OSBPL6: variants seen among roughly 807,000 people sequenced by gnomAD.
The protein encoded by OSBPL6 is oxysterol-binding protein-related protein 6.
OSBPL6 carries 49 observed loss-of-function variants against 125.8 expected under a neutral mutation model. The ratio of observed to expected loss-of-function variants is 0.39; its 90% confidence interval spans 0.31 to 0.49. The LOEUF (loss-of-function observed/expected upper bound fraction) is 0.49. OSBPL6 is among the 20% of genes least tolerant of loss of function. The pLI is 0.88. For synonymous variants in OSBPL6, 394 were observed against 391.8 expected (o/e 1.01, Z -0.07); for missense variants, 986 against 1,135.4 (o/e 0.87, Z 1.89).
Position 178,349,241 on chromosome 2 carries a change from C to A in OSBPL6, c.1005C>A (p.Thr335=), listed in dbSNP as rs528020763. ...CCTTTCAGGTTCCTTTCAGTGCTAC[C>A]ATGTCACCAGTTCGCTTGCATTCCT... ...KIQLQVPFSA[T]MSPVRLHSSN... The change falls in exon 12 of 25, where the codon ACC becomes ACA. Residue 335 remains threonine (T), a synonymous_variant. Coordinates refer to ENST00000190611, the MANE Select transcript of OSBPL6 (RefSeq NM_032523.4). 9.2e-5 allele frequency: 149 copies of A among 1,614,084 alleles called. 4 individuals are homozygous for A. In the South Asian group the frequency reaches 1.1e-3, roughly 12 times the overall value.
At chr2:178,294,998 T>C (rs1474464378) in intron 2 of OSBPL6, among the ~76,000 whole-genome samples, 1 of 152,046 alleles carries the variant, frequency 6.6e-6, no homozygotes, top group African/African-American at 2.4e-5. Context: ...ATCCTTCAGG[T>C]GGATCTTAGC....
At position 178,398,575 on chromosome 2, in the gene OSBPL6, G is replaced by A. The variant is rs919285533; in HGVS notation, c.*3016G>A. The A allele has an allele frequency of 6.6e-6, 1 of 151,978 alleles. No homozygotes were observed. Among genetic ancestry groups the A allele is most frequent in the African/African-American group, 2.4e-5 (1 of 41,374 alleles). 9.4% of individuals were successfully genotyped at this position (151,978 alleles called of 1,614,324 possible). On this transcript the variant is annotated 3_prime_UTR_variant, in exon 25 of 25. Transcript: ENST00000190611. Reference sequence around the variant, plus strand: ...TTAAATTAAGCCATTGTTTTTCATGGATTATTTTTAAAATACCTACCCCAT... The same window carrying A: ...TTAAATTAAGCCATTGTTTTTCATGAATTATTTTTAAAATACCTACCCCAT...
At chr2:178,395,414 T>G in intron 24 of OSBPL6, 37 bp from the exon 25 acceptor site, 1 of 1,468,136 alleles carries the variant, frequency 6.8e-7, no homozygotes, top group Non-Finnish European at 9.5e-7. Context: ...TACCTTGATG[T>G]GATTCATGAC....
intron 1 of OSBPL6, among the ~76,000 whole-genome samples, chr2:178,212,940 T>C (rs1425693207): frequency 1.3e-5 from 2 of 152,200 alleles, no homozygotes; most frequent in East Asian, 3.9e-4. Context: ...CCCGAGTAGC[T>C]GGGATTACAG....
At chr2:178,387,436 C>T (rs1055539394) in intron 20 of OSBPL6, among the ~76,000 whole-genome samples, 2 of 152,200 alleles carry the variant, frequency 1.3e-5, no homozygotes, top group African/African-American at 4.8e-5. Flanking sequence ...CCTGTTTAGC[C>T]ATTTCTTTGC....
chr2:178,237,962 A>T (rs549689438), intron 1 of OSBPL6, among the ~76,000 whole-genome samples: 5 of 152,328 alleles, frequency 3.3e-5, no homozygotes, highest in Non-Finnish European at 5.9e-5. Flanking sequence ...GACAATACTC[A>T]TTACTGGAAA....
intron 1 of OSBPL6, among the ~76,000 whole-genome samples, chr2:178,195,283 C>A (rs2088812133): frequency 6.6e-6 from 1 of 152,222 alleles, no homozygotes; most frequent in South Asian, 2.1e-4. Flanking sequence ...TGCAGCCCTC[C>A]CGGCAGCCTC....
At chr2:178,225,022 T>TCC (rs59423535) in intron 1 of OSBPL6, among the ~76,000 whole-genome samples, 55 of 150,522 alleles carry the variant, frequency 3.7e-4, no homozygotes, top group African/African-American at 1.2e-3. Flanking sequence ...TCTCTCTCTC[T>TCC]CTCTGAGTGT....
At chr2:178,377,184 G>T (rs912753072) in intron 15 of OSBPL6, among the ~76,000 whole-genome samples, 10 of 152,220 alleles carry the variant, frequency 6.6e-5, no homozygotes, top group African/African-American at 1.9e-4. Flanking sequence ...AGGCTGTACA[G>T]GAAGCATGAT....
At chr2:178,216,804 A>G (rs2153964750) in intron 1 of OSBPL6, among the ~76,000 whole-genome samples, 1 of 152,334 alleles carries the variant, frequency 6.6e-6, no homozygotes. Flanking sequence ...ATGAGGAGAC[A>G]TCAGATGGAT....
chr2:178,253,281 A>G (rs1049731427), intron 1 of OSBPL6, among the ~76,000 whole-genome samples: 2 of 152,144 alleles, frequency 1.3e-5, no homozygotes, highest in African/African-American at 4.8e-5. Context: ...TCGGCCTCCC[A>G]AAGTGCTGGG....
intron 1 of OSBPL6, among the ~76,000 whole-genome samples, chr2:178,256,472 G>A (rs188585355): frequency 6.6e-6 from 1 of 152,280 alleles, no homozygotes; most frequent in African/African-American, 2.4e-5. Context: ...TTCATAAATA[G>A]CAACTCAGAT....
intron 1 of OSBPL6, among the ~76,000 whole-genome samples, chr2:178,245,525 A>G (rs2091457032): frequency 6.6e-6 from 1 of 152,186 alleles, no homozygotes; most frequent in South Asian, 2.1e-4. Context: ...AGTGTGTGTT[A>G]AACAATCTGA....
chr2:178,345,479 G>A (rs1690608504), intron 11 of OSBPL6, among the ~76,000 whole-genome samples: 1 of 152,128 alleles, frequency 6.6e-6, no homozygotes, highest in Non-Finnish European at 1.5e-5. Flanking sequence ...ATTTATTAGG[G>A]AAATGACTCT....
chr2:178,378,740 T>C (rs1048456970), intron 15 of OSBPL6, among the ~76,000 whole-genome samples: 1 of 152,220 alleles, frequency 6.6e-6, no homozygotes, highest in African/African-American at 2.4e-5. Flanking sequence ...CACAGCAAGA[T>C]AGCCCAGCCT....
intron 1 of OSBPL6, among the ~76,000 whole-genome samples, chr2:178,242,583 C>G (rs986151484): frequency 3.3e-5 from 5 of 152,080 alleles, no homozygotes; most frequent in Non-Finnish European, 4.4e-5. Context: ...TTGCATTGAA[C>G]AAAAAAATTT....
chr2:178,306,079 T>C lies in OSBPL6; in HGVS notation c.-106T>C. On this transcript the variant is annotated 5_prime_UTR_variant, in exon 3 of 25. Coordinates refer to ENST00000190611, the MANE Select transcript of OSBPL6 (RefSeq NM_032523.4). ...CCTGCTCTTTTCTAGTCAAACCTGA[T>C]TCATGAAATGGAATGAAGCTGAAAA... 1.3e-6 allele frequency: 1 copy of C among 741,310 alleles called. No homozygotes were observed. The highest frequency in any genetic ancestry group is 2.3e-6 in the Non-Finnish European group (1 of 426,134). The allele number at this position is 741,310 out of a possible 1,614,324, so 45.9% of individuals were successfully genotyped here.
chr2:178,295,102 A>G (rs928669275), intron 2 of OSBPL6, among the ~76,000 whole-genome samples: 1 of 152,032 alleles, frequency 6.6e-6, no homozygotes, highest in African/African-American at 2.4e-5. Context: ...AATATTTTTC[A>G]ATTTGTACAT....
chr2:178,351,444 A>G (rs779128589), intron 12 of OSBPL6, among the ~76,000 whole-genome samples: 17 of 152,210 alleles, frequency 1.1e-4, no homozygotes, highest in Non-Finnish European at 2.4e-4. Context: ...CTATACACGA[A>G]TAACAACATA....
Sources: gnomAD v4.1 joint callset for allele counts (sites outside exome capture counted in the v4.1 genomes callset) on GRCh38, gnomAD v4.1.1 for gene constraint, MANE v1.5 for transcripts, NCBI Gene and HGNC (gene_info 2026-07-23, HGNC 2026-07-21) for gene names.